Variants in CLASP1 observed in about 807,000 individuals in gnomAD.
CLASP1 encodes the protein cytoplasmic linker associated protein 1.
CLASP1 carries 38 observed loss-of-function variants against 192.3 expected under a neutral mutation model. That is an observed-to-expected ratio of 0.20 (90% CI 0.15 to 0.26). The LOEUF is 0.26. Ranked by LOEUF, CLASP1 falls within the 10% of genes least tolerant of loss-of-function variation. The pLI is 1.00. For missense variants in CLASP1, 1,433 were observed against 1,932.5 expected (o/e 0.74, Z 4.85); for synonymous variants, 691 against 712.8 (o/e 0.97, Z 0.49).
At chr2:121,597,093 T>C (rs977031012) in intron 2 of CLASP1, among the ~76,000 whole-genome samples, 7 of 152,220 alleles carry the variant, frequency 4.6e-5, no homozygotes, top group African/African-American at 1.7e-4. Flanking sequence ...GTACAGCAAC[T>C]GGCACATCAT....
intron 37 of CLASP1, among the ~76,000 whole-genome samples, chr2:121,352,433 C>T (rs1309353207): frequency 1.3e-5 from 2 of 152,226 alleles, no homozygotes; most frequent in African/African-American, 4.8e-5. Flanking sequence ...CCAAAGGTAG[C>T]TCTTTCCACA....
chr2:121,430,175 G>C (rs376845029), exon 20 of CLASP1: 1 of 1,560,054 alleles, frequency 6.4e-7, no homozygotes, highest in Non-Finnish European at 8.7e-7. Flanking sequence ...GTGCGGATCC[G>C]ACCTGGAGGA....
intron 2 of CLASP1, among the ~76,000 whole-genome samples, chr2:121,545,056 CGT>C (rs1340798718): frequency 6.6e-6 from 1 of 152,066 alleles, no homozygotes; most frequent in East Asian, 1.9e-4. Context: ...GGATTACAGG[CGT>C]GTGCCACCAC....
At chr2:121,591,753 T>A (rs2062427919) in intron 2 of CLASP1, among the ~76,000 whole-genome samples, 1 of 152,146 alleles carries the variant, frequency 6.6e-6, no homozygotes, top group South Asian at 2.1e-4. Context: ...GGCCATCTCA[T>A]CCACAAAGCT....
intron 19 of CLASP1, among the ~76,000 whole-genome samples, chr2:121,446,975 G>T (rs1000006224): frequency 1.3e-5 from 2 of 152,138 alleles, no homozygotes; most frequent in African/African-American, 4.8e-5. Flanking sequence ...GAACCTGCTG[G>T]CTCTGCTCCC....
Position 121,506,277 on chromosome 2 carries a change from C to G in CLASP1, c.645-3043G>C, listed in dbSNP as rs530008977. The stretch of plus-strand genomic sequence containing the variant: ...CCAAGTCTGGAGCTCCCTAAAAGTC[C>G]CCATTCCCAAAGAACTATCATTCCA... On this transcript the variant is annotated intron_variant, in intron 7 of 39. Coordinates refer to ENST00000263710, the Ensembl canonical transcript of CLASP1. Among the ~76,000 whole-genome samples, 51 of 152,186 alleles carry G rather than the reference C, an allele frequency of 3.4e-4. 1 individual carries two copies. In the East Asian group the frequency reaches 9.1e-3, roughly 27 times the overall value.
At chr2:121,599,859 C>T (rs114401730) in intron 2 of CLASP1, among the ~76,000 whole-genome samples, 6,743 of 144,872 alleles carry the variant, frequency 0.047, 221 homozygotes, top group Non-Finnish European at 0.063. Flanking sequence ...GCAAAGGTAA[C>T]GGTGAGCCAA....
intron 19 of CLASP1, among the ~76,000 whole-genome samples, chr2:121,442,549 C>T (rs1239350841): frequency 4.0e-5 from 6 of 151,124 alleles, no homozygotes; most frequent in African/African-American, 1.5e-4. Context: ...GCATAATCTC[C>T]GCTCACTACA....
intron 2 of CLASP1, among the ~76,000 whole-genome samples, chr2:121,601,505 C>T (rs896264829): frequency 1.2e-4 from 18 of 152,002 alleles, no homozygotes; most frequent in Admixed American, 2.0e-4. Flanking sequence ...CTCCTGACCT[C>T]GTGATCCGCC....
intron 23 of CLASP1, 60 bp from the exon 25 acceptor site, chr2:121,411,029 G>A (rs904143279): frequency 8.7e-5 from 95 of 1,095,560 alleles, no homozygotes; most frequent in Non-Finnish European, 1.2e-4. Flanking sequence ...TCAATTCCTT[G>A]CAAGGACTAC....
intron 2 of CLASP1, among the ~76,000 whole-genome samples, chr2:121,563,025 G>T (rs760830278): frequency 6.6e-6 from 1 of 152,142 alleles, no homozygotes; most frequent in Non-Finnish European, 1.5e-5. Context: ...CTGGGGTTGG[G>T]GATGGGCAAT....
chr2:121,524,832 C>T (rs1337087933), intron 6 of CLASP1, among the ~76,000 whole-genome samples: 1 of 152,036 alleles, frequency 6.6e-6, no homozygotes, highest in African/African-American at 2.4e-5. Flanking sequence ...CAGCAGACGA[C>T]AGGCAGTGAG....
intron 8 of CLASP1, among the ~76,000 whole-genome samples, chr2:121,479,004 CACACACACACA>C (rs2092322088): frequency 1.1e-5 from 1 of 89,820 alleles, no homozygotes; most frequent in Admixed American, 1.1e-4. Flanking sequence ...ACACACACAC[CACACACACACA>C]CCACACACAC....
intron 1 of CLASP1, among the ~76,000 whole-genome samples, chr2:121,645,643 A>G (rs1270644747): frequency 6.6e-6 from 1 of 152,266 alleles, no homozygotes; most frequent in Non-Finnish European, 1.5e-5. Context: ...TAAATGCACA[A>G]GAGTGAATCT....
chr2:121,619,845 G>A (rs773570053), intron 1 of CLASP1, among the ~76,000 whole-genome samples: 2 of 152,074 alleles, frequency 1.3e-5, no homozygotes, highest in Non-Finnish European at 2.9e-5. Flanking sequence ...GATGAAACAA[G>A]ATGGACATCC....
At chr2:121,487,912 A>G (rs1289068318) in intron 8 of CLASP1, among the ~76,000 whole-genome samples, 1 of 152,240 alleles carries the variant, frequency 6.6e-6, no homozygotes, top group African/African-American at 2.4e-5. Flanking sequence ...ACTCAACAAT[A>G]CTTCACTGTG....
chr2:121,465,768 C>CTA (rs1222814308), intron 9 of CLASP1, among the ~76,000 whole-genome samples: 1 of 152,202 alleles, frequency 6.6e-6, no homozygotes, highest in Non-Finnish European at 1.5e-5. Context: ...TGACTTCAGA[C>CTA]TATACTACAG....
At chr2:121,545,941 T>G (rs2095320579) in intron 2 of CLASP1, among the ~76,000 whole-genome samples, 1 of 152,166 alleles carries the variant, frequency 6.6e-6, no homozygotes, top group Non-Finnish European at 1.5e-5. Context: ...TTAATTGGAT[T>G]TATAGTTCTA....
intron 1 of CLASP1, among the ~76,000 whole-genome samples, chr2:121,627,868 A>G (rs1417153467): frequency 6.6e-6 from 1 of 152,236 alleles, no homozygotes; most frequent in African/African-American, 2.4e-5. Flanking sequence ...AGCGAAAAAT[A>G]ATGTGGAACA....
Sources: gnomAD v4.1 joint callset for allele counts (sites outside exome capture counted in the v4.1 genomes callset) on GRCh38, gnomAD v4.1.1 for gene constraint, MANE v1.5 for transcripts, NCBI Gene and HGNC (gene_info 2026-07-23, HGNC 2026-07-21) for gene names.